Variants in OR2A42 observed in about 807,000 individuals in gnomAD.
The protein encoded by OR2A42 is olfactory receptor family 2 subfamily A member 42.
For missense variants in OR2A42, 3 were observed against 104.1 expected (o/e 0.03, Z 4.23); for synonymous variants, 5 against 46.4 (o/e 0.11, Z 3.63).
intron 2 of OR2A42, among the ~76,000 whole-genome samples, chr7:144,237,656 C>T (rs1214291815): frequency 6.6e-6 from 1 of 150,652 alleles, no homozygotes; most frequent in Non-Finnish European, 1.5e-5. Flanking sequence ...AGGTGAAATA[C>T]ATTTGACTAT....
rs1424568774 is a variant in OR2A42, at chr7:144,229,724, T to C, written c.*2187A>G. ...CCGTTTAAAAACTGTTCGGCAGCAA[T>C]GGAATTACAAATTGTATATCCAGTT... On this transcript the variant is annotated 3_prime_UTR_variant, in exon 3 of 3. Transcript: ENST00000641810. 2 of 150,592 alleles carry C rather than the reference T, an allele frequency of 1.3e-5. No individual in the cohort carries two copies. The highest frequency in any genetic ancestry group is 2.4e-5 in the African/African-American group (1 of 41,130). The allele number at this position is 150,592 out of a possible 1,614,324, so 9.3% of individuals were successfully genotyped here.
rs1297406953 is a variant in OR2A42 at position 144,228,969 on chromosome 7, C to A, written c.*2942G>T. 1 of 150,214 alleles carries A rather than the reference C, an allele frequency of 6.7e-6. No homozygotes were observed. The highest frequency in any genetic ancestry group is 2.0e-4 in the East Asian group (1 of 5,072). The allele number at this position is 150,214 out of a possible 1,614,324, so 9.3% of individuals were successfully genotyped here. A position where few individuals can be genotyped will look rare whatever the true frequency, so the allele number is the denominator to read the frequency against. On this transcript the variant is annotated 3_prime_UTR_variant, in exon 3 of 3. Coordinates refer to ENST00000641810, the MANE Select transcript of OR2A42 (RefSeq NM_001001802.3). Reference sequence around the variant, plus strand: ...GCTGACTCACAGAGGTTCCCTGAGTCTGGGCCACAGCTCATGCTCCTGGTC... The same window carrying A: ...GCTGACTCACAGAGGTTCCCTGAGTATGGGCCACAGCTCATGCTCCTGGTC...
intron 2 of OR2A42, among the ~76,000 whole-genome samples, chr7:144,234,990 C>T (rs2052407753): frequency 6.8e-6 from 1 of 146,030 alleles, no homozygotes; most frequent in African/African-American, 2.6e-5. Flanking sequence ...CCCTGTGAAA[C>T]CTGCCCTGGA....
chr7:144,230,623 T>C lies in OR2A42; in HGVS notation c.*1288A>G, dbSNP rs1312028505. ...CTGGATCTTACCACCCAGAACCAAG[T>C]ATAGTTCTAAACTTACTCTCTAATC... On this transcript the variant is annotated 3_prime_UTR_variant, in exon 3 of 3. Transcript: ENST00000641810. 1 of 149,292 alleles carries C rather than the reference T, an allele frequency of 6.7e-6. No homozygotes were observed. Among genetic ancestry groups the C allele is most frequent in the African/African-American group, 2.5e-5 (1 of 40,508 alleles). The allele number at this position is 149,292 out of a possible 1,614,324, so 9.2% of individuals were successfully genotyped here. A position where few individuals can be genotyped will look rare whatever the true frequency, so the allele number is the denominator to read the frequency against.
Position 144,230,427 on chromosome 7 carries a change from T to C in OR2A42, c.*1484A>G, listed in dbSNP as rs2052358742. 1 of 122,620 alleles carries C rather than the reference T, an allele frequency of 8.2e-6. No individual in the cohort carries two copies. The highest frequency in any genetic ancestry group is 1.7e-5 in the Non-Finnish European group (1 of 58,076). 7.6% of individuals were successfully genotyped at this position (122,620 alleles called of 1,614,324 possible). A position where few individuals can be genotyped will look rare whatever the true frequency, so the allele number is the denominator to read the frequency against. ...CTGTTTTCTCGCCTAAAAATAGTAG[T>C]AATAGTCTCTACCTCATAGGGTTTT... is the stretch of plus-strand genomic sequence containing the variant. On this transcript the variant is annotated 3_prime_UTR_variant, in exon 3 of 3. Transcript: ENST00000641810.
At chr7:144,235,426 C>A in intron 2 of OR2A42, among the ~76,000 whole-genome samples, 1 of 151,642 alleles carries the variant, frequency 6.6e-6, no homozygotes, top group South Asian at 2.1e-4. Context: ...CACTCAGATT[C>A]TTTAAGGACA....
At chr7:144,235,622 G>T (rs1163009409) in intron 2 of OR2A42, among the ~76,000 whole-genome samples, 2 of 152,198 alleles carry the variant, frequency 1.3e-5, no homozygotes, top group Non-Finnish European at 2.9e-5. Context: ...ACCATCCTTT[G>T]ACTGAATCTG....
intron 2 of OR2A42, among the ~76,000 whole-genome samples, chr7:144,235,849 G>T (rs1268840880): frequency 1.3e-5 from 2 of 151,540 alleles, no homozygotes; most frequent in African/African-American, 2.4e-5. Flanking sequence ...TACTTTCAGG[G>T]GTGTCCAATC....
At chr7:144,237,705 T>A (rs917957978) in intron 2 of OR2A42, among the ~76,000 whole-genome samples, 10 of 150,272 alleles carry the variant, frequency 6.7e-5, no homozygotes, top group Non-Finnish European at 1.5e-4. Context: ...CAATAATTAT[T>A]TATTGACTAA....
intron 2 of OR2A42, among the ~76,000 whole-genome samples, chr7:144,235,356 A>G: frequency 6.6e-6 from 1 of 151,458 alleles, no homozygotes; most frequent in African/African-American, 2.4e-5. Context: ...ACTATGCACA[A>G]GTATGAATTT....
rs2052360471 is a variant in OR2A42 at position 144,230,517 on chromosome 7, GTA to G, written c.*1392_*1393del. 2 of 147,420 alleles carry G rather than the reference GTA, an allele frequency of 1.4e-5. No homozygotes were observed. The highest frequency in any genetic ancestry group is 4.2e-4 in the South Asian group (2 of 4,724). The allele number at this position is 147,420 out of a possible 1,614,324, so 9.1% of individuals were successfully genotyped here. On this transcript the variant is annotated 3_prime_UTR_variant, in exon 3 of 3. Transcript: ENST00000641810. ...AATAGTGCTTCACTAAGCACTGTGC[GTA>G]TATGTGTGTGTGTGTGTGTGCGCGC...
chr7:144,230,519 ATATG>A lies in OR2A42; in HGVS notation c.*1388_*1391del, dbSNP rs773323393. On this transcript the variant is annotated 3_prime_UTR_variant, in exon 3 of 3. Coordinates refer to ENST00000641810, the MANE Select transcript of OR2A42 (RefSeq NM_001001802.3). ...TAGTGCTTCACTAAGCACTGTGCGT[ATATG>A]TGTGTGTGTGTGTGTGCGCGCACGC... The A allele has an allele frequency of 4.2e-5, 6 of 143,904 alleles. No individual in the cohort carries two copies. Among genetic ancestry groups the A allele is most frequent in the Non-Finnish European group, 7.5e-5 (5 of 67,048 alleles). The allele number at this position is 143,904 out of a possible 1,614,324, so 8.9% of individuals were successfully genotyped here. A position where few individuals can be genotyped will look rare whatever the true frequency, so the allele number is the denominator to read the frequency against.
intron 2 of OR2A42, among the ~76,000 whole-genome samples, chr7:144,234,815 A>G (rs1408209858): frequency 1.8e-5 from 2 of 109,058 alleles, no homozygotes; most frequent in Non-Finnish European, 3.7e-5. Flanking sequence ...GCCAAGGGTT[A>G]TATTTTTTTT....
chr7:144,235,667 CTT>C (rs2052418536), intron 2 of OR2A42, among the ~76,000 whole-genome samples: 1 of 152,312 alleles, frequency 6.6e-6, no homozygotes. Flanking sequence ...TTGAAAGACA[CTT>C]TTGTTTTCTT....
intron 2 of OR2A42, among the ~76,000 whole-genome samples, chr7:144,236,450 C>CA (rs1196394850): frequency 1.4e-5 from 2 of 143,750 alleles, no homozygotes; most frequent in South Asian, 2.2e-4. Context: ...AACCCTGTCT[C>CA]AAAAAAACAA....
chr7:144,237,848 T>A (rs2052451232), intron 2 of OR2A42, among the ~76,000 whole-genome samples: 1 of 149,030 alleles, frequency 6.7e-6, no homozygotes, highest in African/African-American at 2.5e-5. Flanking sequence ...AGCCATGGGC[T>A]TAGTGGTCAG....
At chr7:144,234,941 A>G (rs2052406752) in intron 2 of OR2A42, among the ~76,000 whole-genome samples, 1 of 141,776 alleles carries the variant, frequency 7.1e-6, no homozygotes, top group African/African-American at 2.8e-5. Context: ...ACACCTTATA[A>G]ACATCTTTAT....
chr7:144,237,607 T>G (rs2052447725), intron 2 of OR2A42, among the ~76,000 whole-genome samples: 1 of 150,784 alleles, frequency 6.6e-6, no homozygotes, highest in Non-Finnish European at 1.5e-5. Context: ...TAGGCATTCA[T>G]TCATTCATTT....
intron 2 of OR2A42, among the ~76,000 whole-genome samples, chr7:144,234,852 T>C (rs1289970904): frequency 8.1e-6 from 1 of 123,486 alleles, no homozygotes; most frequent in Non-Finnish European, 1.7e-5. Context: ...AAAAATACTC[T>C]CCTAGGCCAA....
Sources: gnomAD v4.1 joint callset for allele counts (sites outside exome capture counted in the v4.1 genomes callset) on GRCh38, gnomAD v4.1.1 for gene constraint, MANE v1.5 for transcripts, NCBI Gene and HGNC (gene_info 2026-07-23, HGNC 2026-07-21) for gene names.